The following LRP6 variants were observed in gnomAD, a reference collection of about 807,000 sequenced individuals.
LRP6 encodes LDL receptor related protein 6, also known as low-density lipoprotein receptor-related protein 6.
A neutral mutation model predicts 184.1 loss-of-function variants in LRP6; 43 were observed. That is an observed-to-expected ratio of 0.23 (90% CI 0.18 to 0.30). The LOEUF (loss-of-function observed/expected upper bound fraction) is 0.30, where lower values mean the gene tolerates loss of function less well. Among genes scored for constraint, LRP6 ranks in the 10% least tolerant of loss-of-function variants. LRP6 has a pLI of 1.00. For missense variants in LRP6, 1,571 were observed against 2,005.3 expected, an observed-to-expected ratio of 0.78 and a Z score of 4.14; for synonymous variants, 719 against 684.9, an observed-to-expected ratio of 1.05 and a Z score of -0.78.
In LRP6 at chr12:12,262,657, G is replaced by T. The variant is rs371190312; in HGVS notation, c.55+4024C>A. On this transcript the variant is annotated intron_variant, in intron 1 of 22. Coordinates refer to ENST00000261349, the MANE Select transcript of LRP6 (RefSeq NM_002336.3). ...ATTCTTATCAAAAATACTTCCAGCAGAAGATCAGATATTATTTTTTCTCAT... is the reference window on the plus strand; with the variant it reads ...ATTCTTATCAAAAATACTTCCAGCATAAGATCAGATATTATTTTTTCTCAT... Among the ~76,000 whole-genome samples the T allele has an allele frequency of 3.3e-5, 5 of 151,742 alleles. No individual in the cohort carries two copies. In the East Asian group the frequency reaches 9.6e-4, roughly 29 times the overall value.
At chr12:12,259,171 G>A (rs1345713924) in intron 1 of LRP6, among the ~76,000 whole-genome samples, 2 of 150,502 alleles carry the variant, frequency 1.3e-5, no homozygotes, top group African/African-American at 4.9e-5. Flanking sequence ...GCTGAGACAG[G>A]AGAATCACTT....
At chr12:12,138,213 T>A in intron 16 of LRP6, 112 bp downstream of exon 16, 1 of 1,039,068 alleles carries the variant, frequency 9.6e-7, no homozygotes, top group Non-Finnish European at 1.5e-6. Flanking sequence ...ATGGCAAAAC[T>A]AAAAGTGCAT....
intron 7 of LRP6, among the ~76,000 whole-genome samples, chr12:12,167,616 C>T (rs572410940): frequency 2.1e-4 from 31 of 150,974 alleles, no homozygotes; most frequent in Middle Eastern, 3.4e-3. Flanking sequence ...GCACTCCAAC[C>T]TGGCAACAAA....
At chr12:12,253,630 T>A (rs1019869339) in intron 1 of LRP6, among the ~76,000 whole-genome samples, 7 of 142,372 alleles carry the variant, frequency 4.9e-5, no homozygotes, top group Admixed American at 4.7e-4. Flanking sequence ...TGTGTCCAAG[T>A]GTTCTCACTG....
chr12:12,200,485 A>AT (rs1863887058), intron 3 of LRP6, among the ~76,000 whole-genome samples: 1 of 152,130 alleles, frequency 6.6e-6, no homozygotes, highest in Admixed American at 6.5e-5. Flanking sequence ...CACCATCTCC[A>AT]TTTCCAGGTA....
chr12:12,162,893 T>C (rs1862773174), intron 9 of LRP6, among the ~76,000 whole-genome samples: 1 of 152,212 alleles, frequency 6.6e-6, no homozygotes, highest in African/African-American at 2.4e-5. Context: ...TAATAATAGA[T>C]ACATCTTATC....
chr12:12,131,742 A>T, intron 18 of LRP6, 79 bp downstream of exon 18: 1 of 1,192,108 alleles, frequency 8.4e-7, no homozygotes, highest in Non-Finnish European at 1.3e-6. Context: ...AACTGACACT[A>T]AGCCAAGTAA....
intron 7 of LRP6, among the ~76,000 whole-genome samples, chr12:12,174,941 T>C (rs1205058912): frequency 6.6e-6 from 1 of 152,198 alleles, no homozygotes; most frequent in Non-Finnish European, 1.5e-5. Flanking sequence ...CCTCTTAAAG[T>C]AGGGAAGCTT....
chr12:12,181,106 C>G lies in LRP6; in HGVS notation c.1310G>C (p.Arg437Thr). ...IEVTRLNGTMRKILISEDLEE... is the reference protein window; with the variant it reads ...IEVTRLNGTMTKILISEDLEE... ...TAAGTCCTCTGAAATCAAGATCTTC[C>G]TCATGGTCCCATTGAGCCTTGTCAC... Residue 437 changes from arginine to threonine, a missense_variant, in exon 6 of 23, where the codon AGG becomes ACG. Transcript: ENST00000261349. The G allele has an allele frequency of 6.2e-7, 1 of 1,614,072 alleles. No homozygotes were observed. Among genetic ancestry groups the G allele is most frequent in the South Asian group, 1.1e-5 (1 of 91,080 alleles).
At chr12:12,137,602 A>G (rs1196556724) in intron 16 of LRP6, among the ~76,000 whole-genome samples, 3 of 152,186 alleles carry the variant, frequency 2.0e-5, no homozygotes, top group Non-Finnish European at 4.4e-5. Flanking sequence ...TTAACCCATT[A>G]TAACTATATT....
rs1419190447 is a variant in LRP6, at chr12:12,117,667, CATAA to C, written c.*3455_*3458del. The C allele has an allele frequency of 2.0e-5, 3 of 152,212 alleles. No individual in the cohort carries two copies. The highest frequency in any genetic ancestry group is 4.4e-5 in the Non-Finnish European group (3 of 68,026). 9.4% of individuals were successfully genotyped at this position (152,212 alleles called of 1,614,324 possible). A position where few individuals can be genotyped will look rare whatever the true frequency, so the allele number is the denominator to read the frequency against. ...TATTATGACTACTGGTATCAAGTCA[CATAA>C]ATAAACACACTTCATTAACACACTA... On this transcript the variant is annotated 3_prime_UTR_variant, in exon 23 of 23. Coordinates refer to ENST00000261349, the MANE Select transcript of LRP6 (RefSeq NM_002336.3).
chr12:12,261,529 GGTAA>G (rs573051575), intron 1 of LRP6, among the ~76,000 whole-genome samples: 8 of 152,174 alleles, frequency 5.3e-5, no homozygotes, highest in Non-Finnish European at 1.2e-4. Context: ...CCTGAAGCCA[GGTAA>G]GTAAACAGGA....
intron 12 of LRP6, among the ~76,000 whole-genome samples, chr12:12,152,062 C>A (rs1347616903): frequency 6.6e-6 from 1 of 152,138 alleles, no homozygotes; most frequent in Non-Finnish European, 1.5e-5. Flanking sequence ...TCCCACAATT[C>A]TCATGTGTTG....
At position 12,147,351 on chromosome 12, in the gene LRP6, A is replaced by G. The variant is rs764021358; in HGVS notation, c.3397+15T>C. On this transcript the variant is annotated intron_variant, in intron 15 of 22. Coordinates refer to ENST00000261349, the MANE Select transcript of LRP6 (RefSeq NM_002336.3). ...AAAACTCAAATTAAAATAAGGAAAC[A>G]TATTTCTTGGGTACCTGAGAGATCA... 9 of 1,613,510 alleles carry G rather than the reference A, an allele frequency of 5.6e-6. No homozygotes were observed. Among genetic ancestry groups the G allele is most frequent in the South Asian group, 1.1e-5 (1 of 91,062 alleles).
At chr12:12,225,871 CA>C (rs748835751) in intron 2 of LRP6, among the ~76,000 whole-genome samples, 6,267 of 116,904 alleles carry the variant, frequency 0.054, 158 homozygotes, top group Middle Eastern at 0.17. Flanking sequence ...GACTGTGTCT[CA>C]AAAAAAAAAA....
intron 2 of LRP6, among the ~76,000 whole-genome samples, chr12:12,240,299 C>T (rs1198737709): frequency 3.3e-5 from 5 of 152,302 alleles, no homozygotes; most frequent in Admixed American, 2.6e-4. Flanking sequence ...TATGGCCGGG[C>T]ACAGTGGCTC....
intron 12 of LRP6, among the ~76,000 whole-genome samples, chr12:12,157,770 C>T (rs1272607580): frequency 6.6e-6 from 1 of 152,148 alleles, no homozygotes; most frequent in Non-Finnish European, 1.5e-5. Flanking sequence ...TACACCCCTC[C>T]CATAATCTAC....
intron 2 of LRP6, among the ~76,000 whole-genome samples, chr12:12,215,675 T>C (rs1864324351): frequency 6.6e-6 from 1 of 151,350 alleles, no homozygotes; most frequent in Admixed American, 6.6e-5. Flanking sequence ...AAGATTTCAG[T>C]AGACAGTGTT....
At chr12:12,145,053 A>G (rs1221700997) in intron 15 of LRP6, among the ~76,000 whole-genome samples, 3 of 152,160 alleles carry the variant, frequency 2.0e-5, no homozygotes, top group African/African-American at 4.8e-5. Context: ...CCTAAAACTT[A>G]TAATTAAAAA....
Sources: allele counts gnomAD v4.1 joint callset (sites outside exome capture counted in the v4.1 genomes callset), GRCh38; gene constraint gnomAD v4.1.1; transcripts MANE v1.5; gene names NCBI Gene and HGNC (gene_info 2026-07-23, HGNC 2026-07-21).